Variants in EXTL3 observed in about 807,000 individuals in gnomAD.
EXTL3 encodes exostosin like glycosyltransferase 3.
EXTL3 carries 27 observed loss-of-function variants against 69.3 expected under a neutral mutation model. The ratio of observed to expected loss-of-function variants is 0.39; its 90% confidence interval spans 0.29 to 0.54. The LOEUF (loss-of-function observed/expected upper bound fraction) is 0.54. EXTL3 is among the 20% of genes least tolerant of loss of function. The probability of loss-of-function intolerance (pLI) is 0.69; values close to 1 mark genes in which losing one functional copy is unlikely to be tolerated. For missense variants in EXTL3, 1,003 were observed against 1,231.8 expected, an observed-to-expected ratio of 0.81 and a Z score of 2.78; for synonymous variants, 511 against 499.4, an observed-to-expected ratio of 1.02 and a Z score of -0.31.
intron 3 of EXTL3, among the ~76,000 whole-genome samples, chr8:28,728,233 T>TA (rs1046320868): frequency 4.6e-5 from 7 of 152,236 alleles, no homozygotes; most frequent in African/African-American, 7.2e-5. Context: ...GATGGCCTCT[T>TA]ACCATTGCTG....
At chr8:28,650,596 A>G (rs1217295715) in intron 1 of EXTL3, among the ~76,000 whole-genome samples, 1 of 152,032 alleles carries the variant, frequency 6.6e-6, no homozygotes, top group Non-Finnish European at 1.5e-5. Context: ...TGACCTTGTG[A>G]TCTGCTCACC....
chr8:28,739,233 G>C (rs985486393), intron 5 of EXTL3, among the ~76,000 whole-genome samples: 7 of 152,128 alleles, frequency 4.6e-5, no homozygotes, highest in Admixed American at 2.6e-4. Context: ...TCTCTCCCTA[G>C]CTCCTTGAAG....
At chr8:28,675,081 G>A (rs1563201528) in intron 1 of EXTL3, among the ~76,000 whole-genome samples, 1 of 152,146 alleles carries the variant, frequency 6.6e-6, no homozygotes, top group Non-Finnish European at 1.5e-5. Flanking sequence ...TCTACAGACA[G>A]AAATTCAGGG....
At chr8:28,635,392 TAAAAAAAA>T (rs372980960) in intron 1 of EXTL3, among the ~76,000 whole-genome samples, 7 of 114,436 alleles carry the variant, frequency 6.1e-5, no homozygotes, top group Non-Finnish European at 5.3e-5. Flanking sequence ...ACTGGTCTCT[TAAAAAAAA>T]AAAAAAAAAA....
intron 5 of EXTL3, among the ~76,000 whole-genome samples, chr8:28,739,518 A>G (rs1801731456): frequency 6.6e-6 from 1 of 151,744 alleles, no homozygotes; most frequent in Non-Finnish European, 1.5e-5. Flanking sequence ...TTTTATAGAG[A>G]TGCAGTTTCG....
chr8:28,623,932 A>G lies in EXTL3; in HGVS notation c.-53+1122A>G, dbSNP rs1248199709. 6.6e-6 allele frequency among the ~76,000 whole-genome samples: 1 copy of G among 152,176 alleles called. No individual in the cohort carries two copies. Among genetic ancestry groups the G allele is most frequent in the Non-Finnish European group, 1.5e-5 (1 of 68,026 alleles). On this transcript the variant is annotated intron_variant, in intron 1 of 6. Transcript: ENST00000523149. The surrounding 1 kb of genome is among the most constrained non-coding windows in gnomAD (Gnocchi z 4.2). ...GAGAAGGTTGAACTATTAATATTAT[A>G]TTTATTGTTCATTCCAAGTCTAAAA... is the stretch of plus-strand genomic sequence containing the variant.
intron 6 of EXTL3, among the ~76,000 whole-genome samples, chr8:28,744,926 G>A (rs1213002653): frequency 6.6e-6 from 1 of 152,166 alleles, no homozygotes; most frequent in African/African-American, 2.4e-5. Context: ...TCATGCCAGT[G>A]CACTCCAGCC....
chr8:28,696,434 C>T (rs1034404631), intron 1 of EXTL3: 1 of 152,196 alleles, frequency 6.6e-6, no homozygotes, highest in South Asian at 2.1e-4. Flanking sequence ...GAATCATATA[C>T]TGTACACATT....
intron 2 of EXTL3, among the ~76,000 whole-genome samples, chr8:28,713,910 T>TC (rs770732027): frequency 1.1e-3 from 160 of 147,886 alleles, no homozygotes; most frequent in Non-Finnish European, 1.5e-3. Flanking sequence ...TTTCTTTTTT[T>TC]TTTTTTTTTT....
rs1254988187 is a variant in EXTL3, at chr8:28,754,415, A to T, written c.*3549A>T. On this transcript the variant is annotated 3_prime_UTR_variant, in exon 7 of 7. Transcript: ENST00000220562. ...GTCCTAAGAATGGGTGAGACTTAAC[A>T]GTCGGTGTCCCTCCTCAAGTGGGGT... 6.6e-6 allele frequency: 1 copy of T among 151,894 alleles called. No individual in the cohort carries two copies. The highest frequency in any genetic ancestry group is 1.5e-5 in the Non-Finnish European group (1 of 68,082). The allele number at this position is 151,894 out of a possible 1,614,324, so 9.4% of individuals were successfully genotyped here.
At chr8:28,730,934 T>G (rs954282314) in intron 3 of EXTL3, among the ~76,000 whole-genome samples, 1 of 152,238 alleles carries the variant, frequency 6.6e-6, no homozygotes, top group African/African-American at 2.4e-5. Flanking sequence ...TGTTTTTAAT[T>G]TCCCTACATC....
At chr8:28,730,450 A>G (rs904161464) in intron 3 of EXTL3, among the ~76,000 whole-genome samples, 30 of 152,302 alleles carry the variant, frequency 2.0e-4, no homozygotes, top group African/African-American at 6.0e-4. Flanking sequence ...GGCAAGGTGA[A>G]TAACACAGCT....
chr8:28,661,044 G>A (rs113236634), intron 1 of EXTL3, among the ~76,000 whole-genome samples: 25 of 151,170 alleles, frequency 1.7e-4, no homozygotes, highest in African/African-American at 2.9e-4. Flanking sequence ...CTCCCAAGTC[G>A]CTGGGACTAC....
intron 1 of EXTL3, among the ~76,000 whole-genome samples, chr8:28,630,389 A>G (rs1806555036): frequency 1.3e-5 from 2 of 152,106 alleles, no homozygotes; most frequent in South Asian, 4.1e-4. Context: ...GTATGTCTTT[A>G]TTAGCAGTAC....
At chr8:28,618,237 C>T (rs567668466), upstream of EXTL3, among the ~76,000 whole-genome samples, 46 of 151,864 alleles carry the variant, frequency 3.0e-4, no homozygotes, top group African/African-American at 9.4e-4. Context: ...GAGGCAGAGG[C>T]GGGTGGGTCC....
At chr8:28,660,241 G>A (rs1807084503) in intron 1 of EXTL3, among the ~76,000 whole-genome samples, 1 of 152,086 alleles carries the variant, frequency 6.6e-6, no homozygotes, top group African/African-American at 2.4e-5. Flanking sequence ...GTGTACACCT[G>A]TAGTACCAGC....
intron 1 of EXTL3, among the ~76,000 whole-genome samples, chr8:28,647,136 C>A (rs1806844267): frequency 6.7e-6 from 1 of 149,078 alleles, no homozygotes; most frequent in Non-Finnish European, 1.5e-5. Flanking sequence ...CGGAGTTTTG[C>A]TCTTGTCGTC....
chr8:28,658,962 A>G (rs1183066320), intron 1 of EXTL3, among the ~76,000 whole-genome samples: 1 of 152,208 alleles, frequency 6.6e-6, no homozygotes, highest in South Asian at 2.1e-4. Flanking sequence ...CTACTCAAGG[A>G]TATTTGCCTT....
At chr8:28,740,138 A>G (rs111400219) in intron 5 of EXTL3, 7 of 152,346 alleles carry the variant, frequency 4.6e-5, no homozygotes, top group South Asian at 4.1e-4. Flanking sequence ...AGATTTCACA[A>G]AAAGACCTGA....
Sources: gnomAD v4.1 joint callset for allele counts (sites outside exome capture counted in the v4.1 genomes callset) on GRCh38, gnomAD v4.1.1 for gene constraint, Gnocchi (gnomAD v3.1) non-coding constraint, MANE v1.5 for transcripts, NCBI Gene and HGNC (gene_info 2026-07-23, HGNC 2026-07-21) for gene names.